Variants in MIB2 observed in about 807,000 individuals in gnomAD.
MIB2 encodes MIB E3 ubiquitin protein ligase 2, also known as E3 ubiquitin-protein ligase MIB2.
In MIB2, 78 loss-of-function variants were observed where a neutral mutation model predicts 96.6. The observed-to-expected ratio is 0.81, with a 90% CI of 0.67 to 0.97. The LOEUF (loss-of-function observed/expected upper bound fraction) is 0.97. Among genes scored for constraint, MIB2 ranks in the 50% least tolerant of loss-of-function variants. The pLI is 0.00. For missense variants in MIB2, 1,543 were observed against 1,424.0 expected, an observed-to-expected ratio of 1.08 and a Z score of -1.35; for synonymous variants, 820 against 629.5, an observed-to-expected ratio of 1.30 and a Z score of -4.53.
In MIB2 at chr1:1,627,708, C is replaced by T. The variant is rs764076021; in HGVS notation, c.1559C>T (p.Ala520Val). 2.8e-5 allele frequency: 44 copies of T among 1,595,322 alleles called. No individual in the cohort carries two copies. Among genetic ancestry groups the T allele is most frequent in the Non-Finnish European group, 3.5e-5 (41 of 1,178,646 alleles). ...GAGGCCACCAGGGTGCTCCTGAGTG[C>T]TGGGTGCCGGGCGGACGCCATCAAC... ...QPEATRVLLSAGCRADAINST... is the reference protein window; with the variant it reads ...QPEATRVLLSVGCRADAINST... The change falls in exon 13 of 20, where the codon GCT becomes GTT. Residue 520 changes from alanine to valine, a missense_variant. Transcript: ENST00000355826.
rs779757913 is a variant in MIB2, at chr1:1,625,424, C to G, written c.860C>G (p.Ala287Gly). Reference sequence around the variant, plus strand: ...CACGGCGGCTGGAACCCCAGGATGGCGGAGGTGAGCCGCCCCGCCGTGGAG... The same window carrying G: ...CACGGCGGCTGGAACCCCAGGATGGGGGAGGTGAGCCGCCCCGCCGTGGAG... ...EGHGGWNPRM[A>G]EFIGQTGTVH... Residue 287 changes from alanine (A) to glycine (G), a missense_variant, in exon 7 of 20, where the codon GCG (alanine) becomes GGG (glycine). Physicochemically the swap from Ala to Gly is moderately conservative, Grantham distance 60 (BLOSUM62 0). Coordinates refer to ENST00000355826, the MANE Select transcript of MIB2 (RefSeq NM_001170687.4). This position sits in a 1 kb window ranked among gnomAD's most constrained non-coding sequence, Gnocchi z 5.0. 1 of 1,566,682 alleles carries G rather than the reference C, an allele frequency of 6.4e-7. No homozygotes were observed. Among genetic ancestry groups the G allele is most frequent in the East Asian group, 2.4e-5 (1 of 41,796 alleles).
At chr1:1,624,946 G>T (rs769032816) in intron 5 of MIB2, 45 bp downstream of exon 5, 4 of 1,606,400 alleles carry the variant, frequency 2.5e-6, no homozygotes, top group Middle Eastern at 1.7e-4. Context: ...GCTGTGGCTG[G>T]CTCATGGCTC....
chr1:1,625,902 G>C lies in MIB2; in HGVS notation c.972+249G>C, dbSNP rs1201910053. ...AATGGGCAGGTTAGGGCCTCCCTCTGTTCCAGGACACCAGGAAGGCAGGAC... is the reference window on the plus strand; with the variant it reads ...AATGGGCAGGTTAGGGCCTCCCTCTCTTCCAGGACACCAGGAAGGCAGGAC... On this transcript the variant is annotated intron_variant, in intron 8 of 19. Transcript: ENST00000355826. The surrounding 1 kb of genome is among the most constrained non-coding windows in gnomAD (Gnocchi z 5.0). 8.9e-6 allele frequency: 5 copies of C among 559,376 alleles called. No individual in the cohort carries two copies. In the Admixed American group the frequency reaches 1.3e-4, roughly 14 times the overall value. The allele number at this position is 559,376 out of a possible 1,614,324, so 34.7% of individuals were successfully genotyped here. A position where few individuals can be genotyped will look rare whatever the true frequency, so the allele number is the denominator to read the frequency against.
rs79432957 is a variant in MIB2 at position 1,624,213 on chromosome 1, G to A, written c.419+268G>A. On this transcript the variant is annotated intron_variant, in intron 4 of 19. Transcript: ENST00000355826. ...GGAGGACAGCCCATACCCGGAGCCA[G>A]CACCTGGGCTGTCTTGGAGGCTGCT... The A allele has an allele frequency of 5.1e-3, 2,673 of 525,854 alleles. 50 individuals are homozygous for A. Among genetic ancestry groups the A allele is most frequent in the African/African-American group, 0.045 (2,348 of 52,444 alleles). The allele number at this position is 525,854 out of a possible 1,614,324, so 32.6% of individuals were successfully genotyped here.
Position 1,627,162 on chromosome 1 carries a change from T to C in MIB2, c.1329T>C (p.Gly443=). Reference sequence around the variant, plus strand: ...GGCTGGTGGTGGAGGTGGCGCTGGGTAACGCAGCCCGGGCTCTGGACCTGC... The same window carrying C: ...GGCTGGTGGTGGAGGTGGCGCTGGGCAACGCAGCCCGGGCTCTGGACCTGC... The part of the protein sequence containing the change: ...PGRLVVEVAL[G]NAARALDLLR... Residue 443 remains glycine, a synonymous_variant, in exon 11 of 20, where the codon GGT becomes GGC. Transcript: ENST00000355826. 6.3e-7 allele frequency: 1 copy of C among 1,590,550 alleles called. No homozygotes were observed. Among genetic ancestry groups the C allele is most frequent in the East Asian group, 2.3e-5 (1 of 43,568 alleles).
upstream of MIB2, chr1:1,615,208 G>C (rs770237068): frequency 2.4e-5 from 15 of 636,904 alleles, no homozygotes; most frequent in Non-Finnish European, 3.7e-5. Flanking sequence ...CCCGGATAGG[G>C]CCCGCACTGG....
rs376075721 is a variant in MIB2, at chr1:1,628,737, C to T, written c.2202+15C>T. On this transcript the variant is annotated intron_variant, in intron 16 of 19. Coordinates refer to ENST00000355826, the MANE Select transcript of MIB2 (RefSeq NM_001170687.4). ...TGCTGTCCAGGGTGAGGAAGTGTGG[C>T]GTGGGGTGCTGGAGAGGCTGCGGTG... 1.4e-5 allele frequency: 21 copies of T among 1,510,562 alleles called. No homozygotes were observed. The highest frequency in any genetic ancestry group is 2.1e-5 in the Admixed American group (1 of 48,714). 93.6% of individuals were successfully genotyped at this position (1,510,562 alleles called of 1,614,324 possible).
chr1:1,627,026 G>A, intron 10 of MIB2, 27 bp downstream of exon 10: 1 of 1,607,018 alleles, frequency 6.2e-7, no homozygotes, highest in Non-Finnish European at 8.5e-7. Context: ...GCGGCCAGTG[G>A]GAGGTGGGGC....
Position 1,625,638 on chromosome 1 carries a change from CG to C in MIB2, c.961del (p.Ala321ArgfsTer23). ...NHETRWTFHP[G>X]ALTKHHSFWV... ...ACGAGACGCGCTGGACCTTCCACCC[CG>C]GGGCGCTCACCAAGGTGCCGGGGGG... is the stretch of plus-strand genomic sequence containing the variant. On this transcript the variant is annotated frameshift_variant, in exon 8 of 20. Transcript: ENST00000355826. LOFTEE classifies it high-confidence loss of function. This position sits in a 1 kb window ranked among gnomAD's most constrained non-coding sequence, Gnocchi z 5.0. 1 of 1,562,036 alleles carries C rather than the reference CG, an allele frequency of 6.4e-7. No individual in the cohort carries two copies. The highest frequency in any genetic ancestry group is 8.7e-7 in the Non-Finnish European group (1 of 1,153,372).
At chr1:1,620,095 G>A (rs534528467) in intron 2 of MIB2, among the ~76,000 whole-genome samples, 1 of 152,342 alleles carries the variant, frequency 6.6e-6, no homozygotes, top group African/African-American at 2.4e-5. Flanking sequence ...TCCCCCCAAG[G>A]GCAAGATTTG....
chr1:1,616,597 G>A lies in MIB2; in HGVS notation c.-40G>A. On this transcript the variant is annotated 5_prime_UTR_variant, in exon 2 of 20. Transcript: ENST00000355826. Reference sequence around the variant, plus strand: ...GGAGCCTCAAGGCGGCCCGGCGGGCGACTGGACGGCCGGACAGGTGAGCTC... The same window carrying A: ...GGAGCCTCAAGGCGGCCCGGCGGGCAACTGGACGGCCGGACAGGTGAGCTC... 3.8e-6 allele frequency: 6 copies of A among 1,597,502 alleles called. No individual in the cohort carries two copies. Among genetic ancestry groups the A allele is most frequent in the East Asian group, 2.3e-5 (1 of 44,066 alleles).
intron 2 of MIB2, among the ~76,000 whole-genome samples, chr1:1,622,346 C>T (rs1405527817): frequency 1.3e-5 from 2 of 152,240 alleles, no homozygotes; most frequent in Non-Finnish European, 1.5e-5. Flanking sequence ...TTAATGTTCA[C>T]ATCCATTCTT....
Position 1,628,124 on chromosome 1 carries a change from ACC to A in MIB2, c.1787_1788del (p.Thr596LysfsTer64). The A allele has an allele frequency of 6.2e-7, 1 of 1,613,354 alleles. No individual in the cohort carries two copies. The highest frequency in any genetic ancestry group is 1.1e-5 in the South Asian group (1 of 91,084). ...TEVPNIDVTA[T>X]NSQGFTLLHH... ...GGTGCCAAACATCGATGTTACCGCC[ACC>A]AACAGCCAGGGTTTCACCCTGCTGC... On this transcript the variant is annotated frameshift_variant, in exon 14 of 20. Transcript: ENST00000355826. LOFTEE classifies it high-confidence loss of function.
chr1:1,615,431 C>T, upstream of MIB2: 1 of 1,495,152 alleles, frequency 6.7e-7, no homozygotes, highest in Non-Finnish European at 8.8e-7. Flanking sequence ...GGTGCTTGCC[C>T]TGCCCATCCC....
chr1:1,624,881 G>A lies in MIB2; in HGVS notation c.506G>A (p.Trp169Ter), dbSNP rs1644589862. The A allele has an allele frequency of 1.9e-6, 3 of 1,613,038 alleles. No individual in the cohort carries two copies. The highest frequency in any genetic ancestry group is 2.5e-6 in the Non-Finnish European group (3 of 1,179,944). Reference sequence around the variant, plus strand: ...GCGAAGGTGGTGCGAGGCCCCGACTGGGAGTGGGGCTCACAGGATGGTGAG... The same window carrying A: ...GCGAAGGTGGTGCGAGGCCCCGACTAGGAGTGGGGCTCACAGGATGGTGAG... ...QGAKVVRGPD[W>*]EWGSQDGGEG... The change falls in exon 5 of 20, where the codon TGG becomes TAG. Residue 169 changes from tryptophan to a stop codon, truncating the protein, a stop_gained. Coordinates refer to ENST00000355826, the MANE Select transcript of MIB2 (RefSeq NM_001170687.4). LOFTEE classifies it high-confidence loss of function.
chr1:1,624,037 C>A, intron 4 of MIB2, 92 bp downstream of exon 4: 1 of 1,400,246 alleles, frequency 7.1e-7, no homozygotes, highest in Non-Finnish European at 9.6e-7. Context: ...GCCTCCTGAC[C>A]GCTCCCAGGA....
Position 1,626,007 on chromosome 1 carries a change from T to G in MIB2, c.972+354T>G. On this transcript the variant is annotated intron_variant, in intron 8 of 19. Transcript: ENST00000355826. This position sits in a 1 kb window ranked among gnomAD's most constrained non-coding sequence, Gnocchi z 5.3. ...TATGGGGGCCGATGGGGGTGGCTGGTTAGGACAGGGAGGTGGATGCTTGGC... is the reference window on the plus strand; with the variant it reads ...TATGGGGGCCGATGGGGGTGGCTGGGTAGGACAGGGAGGTGGATGCTTGGC... 3.5e-6 allele frequency: 1 copy of G among 289,768 alleles called. No individual in the cohort carries two copies. The highest frequency in any genetic ancestry group is 6.5e-6 in the Non-Finnish European group (1 of 153,232). 17.9% of individuals were successfully genotyped at this position (289,768 alleles called of 1,614,324 possible). A position where few individuals can be genotyped will look rare whatever the true frequency, so the allele number is the denominator to read the frequency against.
rs1289604825 is a variant in MIB2, at chr1:1,623,654, T to C, written c.202T>C (p.Tyr68His). 6.8e-7 allele frequency: 1 copy of C among 1,479,384 alleles called. No homozygotes were observed. Among genetic ancestry groups the C allele is most frequent in the Non-Finnish European group, 9.0e-7 (1 of 1,111,754 alleles). 91.6% of individuals were successfully genotyped at this position (1,479,384 alleles called of 1,614,324 possible). A position where few individuals can be genotyped will look rare whatever the true frequency, so the allele number is the denominator to read the frequency against. The change falls in exon 3 of 20, where the codon TAC becomes CAC. Residue 68 changes from tyrosine to histidine, a missense_variant. Transcript: ENST00000355826. ...CACGCGCACCAACTACCGCGCCGGC[T>C]ACCAGGGCGCGCACGACCTGCTGCT... Reference protein sequence around the residue: ...QGTRTNYRAGYQGAHDLLLYD... With the variant: ...QGTRTNYRAGHQGAHDLLLYD...
rs755295319 is a variant in MIB2, at chr1:1,629,578, G to C, written c.2563+12G>C. ...CACCGTGTGTGAGGGTGAGTGGGGG[G>C]CCCCGGGGTGGGGAGGCCCGGCTAG... On this transcript the variant is annotated intron_variant, in intron 18 of 19. Coordinates refer to ENST00000355826, the MANE Select transcript of MIB2 (RefSeq NM_001170687.4). The C allele has an allele frequency of 1.3e-5, 19 of 1,507,762 alleles. No homozygotes were observed. The highest frequency in any genetic ancestry group is 1.7e-5 in the Non-Finnish European group (19 of 1,112,308). 93.4% of individuals were successfully genotyped at this position (1,507,762 alleles called of 1,614,324 possible).
Sources: gnomAD v4.1 joint callset for allele counts (sites outside exome capture counted in the v4.1 genomes callset) on GRCh38, gnomAD v4.1.1 for gene constraint, Gnocchi (gnomAD v3.1) non-coding constraint, MANE v1.5 for transcripts, NCBI Gene and HGNC (gene_info 2026-07-23, HGNC 2026-07-21) for gene names.